Variants in MFHAS1 observed in about 807,000 individuals in gnomAD.
MFHAS1 encodes malignant fibrous histiocytoma-amplified sequence 1.
In MFHAS1, 50 loss-of-function variants were observed where a neutral mutation model predicts 70.4. The ratio of observed to expected loss-of-function variants is 0.71; its 90% CI spans 0.57 to 0.90. The LOEUF is 0.90. Among genes scored for constraint, MFHAS1 ranks in the 40% least tolerant of loss-of-function variants. The pLI is 0.00. For missense variants in MFHAS1, 1,795 were observed against 1,347.6 expected (o/e 1.33, Z -5.20); for synonymous variants, 952 against 620.0 (o/e 1.54, Z -7.96).
chr8:8,811,088 G>A (rs1806530885), intron 1 of MFHAS1, among the ~76,000 whole-genome samples: 2 of 151,878 alleles, frequency 1.3e-5, no homozygotes, highest in South Asian at 4.2e-4. Context: ...AGCACTACAG[G>A]GAGAGGATTC....
chr8:8,854,384 G>C (rs950438686), intron 1 of MFHAS1, among the ~76,000 whole-genome samples: 3 of 152,184 alleles, frequency 2.0e-5, no homozygotes, highest in Non-Finnish European at 4.4e-5. Context: ...AGCCAGGCTT[G>C]GTGGTGGGCG....
At chr8:8,866,087 T>C (rs922684855) in intron 1 of MFHAS1, among the ~76,000 whole-genome samples, 10 of 152,204 alleles carry the variant, frequency 6.6e-5, no homozygotes, top group Admixed American at 5.9e-4. Context: ...GCTCTACTCC[T>C]AGCTGAAGTG....
intron 1 of MFHAS1, among the ~76,000 whole-genome samples, chr8:8,831,938 G>T (rs986911004): frequency 1.3e-5 from 2 of 152,024 alleles, no homozygotes; most frequent in Admixed American, 6.6e-5. Context: ...CAAGAGCCCA[G>T]GCAATTTAAA....
Position 8,784,770 on chromosome 8 carries a change from G to T in MFHAS1, c.*1252C>A, listed in dbSNP as rs147455057. The T allele has an allele frequency of 1.3e-5, 2 of 152,160 alleles. No homozygotes were observed. The highest frequency in any genetic ancestry group is 4.8e-5 in the African/African-American group (2 of 41,446). The allele number at this position is 152,160 out of a possible 1,614,324, so 9.4% of individuals were successfully genotyped here. The stretch of plus-strand genomic sequence containing the variant: ...GTAAACAGAGTTTTTTACACTCTCC[G>T]AAAAACATGTTACTACTGTAGCATA... On this transcript the variant is annotated 3_prime_UTR_variant, in exon 3 of 3. Transcript: ENST00000276282.
At chr8:8,865,789 T>C (rs1243635623) in intron 1 of MFHAS1, among the ~76,000 whole-genome samples, 1 of 152,190 alleles carries the variant, frequency 6.6e-6, no homozygotes, top group Non-Finnish European at 1.5e-5. Context: ...ACACTTAGTG[T>C]CTTAGAAGAA....
chr8:8,787,104 A>G lies in MFHAS1; in HGVS notation c.3126-1049T>C, dbSNP rs556263047. Among the ~76,000 whole-genome samples the G allele has an allele frequency of 1.6e-4, 23 of 148,120 alleles. 1 individual carries two copies. In the East Asian group the frequency reaches 1.6e-3, roughly 10 times the overall value. On this transcript the variant is annotated intron_variant, in intron 2 of 2. Transcript: ENST00000276282. ...ATTATTATTTTTTTTTTTTTGAGAC[A>G]GAGTCTCGCTCTGTTGCCCAGGCTG...
At position 8,886,187 on chromosome 8, in the gene MFHAS1, C is replaced by CT. The variant is rs539238869; in HGVS notation, c.2998+3873dup. ...CTGGATGTGCATTTTCCAATCATTT[C>CT]TTTTTTTTTTTTTAAGAGACAGGGT... On this transcript the variant is annotated intron_variant, in intron 1 of 2. Transcript: ENST00000276282. Among the ~76,000 whole-genome samples, 887 of 144,192 alleles carry CT rather than the reference C, an allele frequency of 6.2e-3. 9 individuals are homozygous for CT. The highest frequency in any genetic ancestry group is 0.018 in the East Asian group (90 of 5,026). 94.6% of individuals were successfully genotyped at this position (144,192 alleles called of 152,430 possible).
intron 1 of MFHAS1, among the ~76,000 whole-genome samples, chr8:8,838,478 T>C (rs904952618): frequency 5.3e-5 from 8 of 152,214 alleles, no homozygotes; most frequent in East Asian, 1.9e-4. Flanking sequence ...GCTGTCCTTC[T>C]TCCCCCTATA....
intron 1 of MFHAS1, among the ~76,000 whole-genome samples, chr8:8,813,324 T>C (rs1013325968): frequency 6.6e-6 from 1 of 151,942 alleles, no homozygotes; most frequent in African/African-American, 2.4e-5. Flanking sequence ...ATACTTTTTA[T>C]CATTCTTTTA....
chr8:8,860,880 C>T (rs574073926), intron 1 of MFHAS1, among the ~76,000 whole-genome samples: 5 of 152,278 alleles, frequency 3.3e-5, no homozygotes, highest in African/African-American at 1.2e-4. Context: ...CATACGCATA[C>T]ATATTTATGT....
chr8:8,837,626 G>A (rs572849452), intron 1 of MFHAS1, among the ~76,000 whole-genome samples: 1 of 151,602 alleles, frequency 6.6e-6, no homozygotes, highest in Non-Finnish European at 1.5e-5. Context: ...CTGGGCGACA[G>A]AGTGAGACCC....
intron 1 of MFHAS1, among the ~76,000 whole-genome samples, chr8:8,839,856 A>C (rs1200597420): frequency 1.3e-5 from 2 of 152,222 alleles, no homozygotes; most frequent in Admixed American, 1.3e-4. Flanking sequence ...TTACAGTGGA[A>C]GATCCAGAAC....
chr8:8,794,196 G>GA (rs1174869877), intron 2 of MFHAS1, among the ~76,000 whole-genome samples: 19 of 146,148 alleles, frequency 1.3e-4, no homozygotes, highest in East Asian at 4.0e-4. Flanking sequence ...TGTCAAAAAA[G>GA]AAAAAAAAAA....
At chr8:8,882,040 A>T (rs1035796231) in intron 1 of MFHAS1, among the ~76,000 whole-genome samples, 3 of 152,094 alleles carry the variant, frequency 2.0e-5, no homozygotes, top group Non-Finnish European at 4.4e-5. Flanking sequence ...TACCAGAAAA[A>T]CCACATGGGA....
chr8:8,806,712 G>A (rs1283931987), intron 1 of MFHAS1, among the ~76,000 whole-genome samples: 3 of 152,176 alleles, frequency 2.0e-5, no homozygotes, highest in Non-Finnish European at 2.9e-5. Context: ...TGTAATCCCA[G>A]CACTTTGGGA....
chr8:8,832,844 A>C (rs1807456492), intron 1 of MFHAS1, among the ~76,000 whole-genome samples: 1 of 152,062 alleles, frequency 6.6e-6, no homozygotes. Flanking sequence ...TTAGTTGCCC[A>C]GGCTAAGAAT....
At position 8,892,484 on chromosome 8, in the gene MFHAS1, T is replaced by G. The variant is rs762614448; in HGVS notation, c.575A>C (p.Gln192Pro). ...RLRTLDVDHN[Q>P]LTAFPRQLLQ... ...CAGCTGCCGGGGGAAGGCAGTGAGC[T>G]GGTTGTGATCCACGTCCAGGGTGCG... Residue 192 changes from glutamine to proline, a missense_variant, in exon 1 of 3, where the codon CAG becomes CCG. Physicochemically the swap from Gln to Pro is moderately conservative, Grantham distance 76. Coordinates refer to ENST00000276282, the MANE Select transcript of MFHAS1 (RefSeq NM_004225.3). The surrounding 1 kb of genome is among the most constrained non-coding windows in gnomAD (Gnocchi z 4.7). 1 of 1,606,826 alleles carries G rather than the reference T, an allele frequency of 6.2e-7. No homozygotes were observed. The highest frequency in any genetic ancestry group is 8.5e-7 in the Non-Finnish European group (1 of 1,176,774).
intron 2 of MFHAS1, among the ~76,000 whole-genome samples, chr8:8,793,621 T>G (rs1213975211): frequency 1.3e-5 from 2 of 152,210 alleles, no homozygotes; most frequent in Non-Finnish European, 2.9e-5. Context: ...GAGTGATATG[T>G]TCACCTTACC....
chr8:8,795,691 G>C (rs1340300273), intron 2 of MFHAS1, among the ~76,000 whole-genome samples: 1 of 152,186 alleles, frequency 6.6e-6, no homozygotes, highest in Non-Finnish European at 1.5e-5. Context: ...AATGCCACTG[G>C]GAACCCTCGC....
Sources: allele counts gnomAD v4.1 joint callset (sites outside exome capture counted in the v4.1 genomes callset), GRCh38; gene constraint gnomAD v4.1.1; non-coding constraint Gnocchi (gnomAD v3.1); transcripts MANE v1.5; gene names NCBI Gene and HGNC (gene_info 2026-07-23, HGNC 2026-07-21).